WBP2NL: variants seen among roughly 807,000 people sequenced by gnomAD.
The protein encoded by WBP2NL is WBP2 N-terminal like.
A neutral mutation model predicts 23.3 loss-of-function variants in WBP2NL; 27 were observed. The ratio of observed to expected loss-of-function variants is 1.16; its 90% CI spans 0.85 to 1.60. WBP2NL has a LOEUF of 1.60. Among genes scored for constraint, WBP2NL ranks in the 40% most tolerant of loss-of-function variants. The pLI is 0.00. For missense variants in WBP2NL, 370 were observed against 389.5 expected, an observed-to-expected ratio of 0.95 and a Z score of 0.42; for synonymous variants, 151 against 145.9, an observed-to-expected ratio of 1.03 and a Z score of -0.25.
chr22:42,050,164 A>C (rs1308819279), intron 8 of WBP2NL, among the ~76,000 whole-genome samples: 4 of 151,912 alleles, frequency 2.6e-5, no homozygotes, highest in African/African-American at 9.7e-5. Context: ...AAAAACTACA[A>C]AAATTAGCTG....
At chr22:42,011,125 A>G (rs1329662340) in intron 1 of WBP2NL, among the ~76,000 whole-genome samples, 4 of 152,210 alleles carry the variant, frequency 2.6e-5, no homozygotes. Context: ...TGGCTTCGGT[A>G]TCAGGGTAAT....
chr22:42,000,974 T>C (rs1921597089), intron 1 of WBP2NL: 2 of 447,646 alleles, frequency 4.5e-6, no homozygotes, highest in East Asian at 4.4e-5. Context: ...CCCTGGGCAA[T>C]AGAGGGAGAC....
chr22:42,011,531 G>A (rs1474982465), intron 1 of WBP2NL, among the ~76,000 whole-genome samples: 1 of 152,050 alleles, frequency 6.6e-6, no homozygotes, highest in African/African-American at 2.4e-5. Context: ...GGGATTAAAG[G>A]CATGAGCCAC....
intron 1 of WBP2NL, among the ~76,000 whole-genome samples, chr22:42,012,452 C>T (rs997068936): frequency 2.6e-5 from 4 of 152,086 alleles, no homozygotes; most frequent in Admixed American, 6.6e-5. Flanking sequence ...CCTCTGATTT[C>T]TTCTTTGACT....
At chr22:42,025,498 T>C (rs937334560) in intron 5 of WBP2NL, among the ~76,000 whole-genome samples, 14 of 152,242 alleles carry the variant, frequency 9.2e-5, no homozygotes, top group Non-Finnish European at 2.9e-5. Flanking sequence ...TTTTTATCTG[T>C]AGAGTGAAGT....
intron 1 of WBP2NL, among the ~76,000 whole-genome samples, chr22:42,004,824 C>T (rs1016879509): frequency 5.3e-5 from 8 of 151,800 alleles, no homozygotes; most frequent in East Asian, 1.9e-4. Context: ...CTCGGGAGGC[C>T]GAAGCAGGAG....
rs1385412095 is a variant in WBP2NL at position 42,020,866 on chromosome 22, G to GTGTATA, written c.406+772_406+777dup. Among the ~76,000 whole-genome samples the GTGTATA allele has an allele frequency of 2.8e-3, 44 of 15,578 alleles. 1 individual carries two copies. Among genetic ancestry groups the GTGTATA allele is most frequent in the Non-Finnish European group, 3.2e-3 (35 of 11,022 alleles). The allele number at this position is 15,578 out of a possible 152,430, so 10.2% of individuals were successfully genotyped here. A position where few individuals can be genotyped will look rare whatever the true frequency, so the allele number is the denominator to read the frequency against. The stretch of plus-strand genomic sequence containing the variant: ...TTATCTCATATATGTGTGTGTGTGT[G>GTGTATA]TGTATATATATATATATATATATAT... On this transcript the variant is annotated intron_variant, in intron 4 of 5. Coordinates refer to ENST00000328823, the MANE Select transcript of WBP2NL (RefSeq NM_152613.3).
At chr22:42,037,820 G>C (rs1356174815), downstream of WBP2NL, among the ~76,000 whole-genome samples, 2 of 146,158 alleles carry the variant, frequency 1.4e-5, no homozygotes, top group Non-Finnish European at 3.0e-5. Context: ...AGTTTCGGGG[G>C]GAGGTGCGGG....
chr22:42,002,279 C>A (rs1386773746), intron 1 of WBP2NL, among the ~76,000 whole-genome samples: 2 of 152,186 alleles, frequency 1.3e-5, no homozygotes, highest in Non-Finnish European at 2.9e-5. Flanking sequence ...GAGCTTTATA[C>A]TGTAGTTAAA....
intron 8 of WBP2NL, among the ~76,000 whole-genome samples, chr22:42,056,319 CT>C (rs1926026687): frequency 6.6e-6 from 1 of 152,140 alleles, no homozygotes. Context: ...CTCCTTTATG[CT>C]GTTATTGTTA....
chr22:41,999,841 C>T (rs961100159), intron 1 of WBP2NL, among the ~76,000 whole-genome samples: 1 of 152,206 alleles, frequency 6.6e-6, no homozygotes, highest in Non-Finnish European at 1.5e-5. Flanking sequence ...GTGGGGCTTA[C>T]ACCAGTTGCT....
chr22:42,054,532 A>G (rs894134158), intron 8 of WBP2NL, among the ~76,000 whole-genome samples: 1 of 152,034 alleles, frequency 6.6e-6, no homozygotes, highest in Non-Finnish European at 1.5e-5. Context: ...CTGTGGCATA[A>G]TCTAAAGTCA....
chr22:42,000,641 C>T (rs1443470279), intron 1 of WBP2NL, among the ~76,000 whole-genome samples: 1 of 151,992 alleles, frequency 6.6e-6, no homozygotes, highest in Non-Finnish European at 1.5e-5. Flanking sequence ...CAAGAATGCT[C>T]AAGATAGCCG....
intron 1 of WBP2NL, among the ~76,000 whole-genome samples, chr22:42,013,939 G>A (rs984324331): frequency 1.3e-5 from 2 of 151,428 alleles, no homozygotes; most frequent in Admixed American, 6.6e-5. Flanking sequence ...CACCACCCAC[G>A]CCTGGCTATT....
chr22:42,020,886 ATATATATATATATATATATATATTTT>A (rs1923870795), intron 4 of WBP2NL, among the ~76,000 whole-genome samples: 6 of 46,188 alleles, frequency 1.3e-4, no homozygotes, highest in South Asian at 2.0e-3. Context: ...ATATATATAT[ATATATATATATATATATATATATTTT>A]TTTTTTTTTT....
chr22:42,040,659 G>T (rs979904833), intron 8 of WBP2NL, among the ~76,000 whole-genome samples: 3 of 152,124 alleles, frequency 2.0e-5, no homozygotes, highest in African/African-American at 7.2e-5. Context: ...ATTCTCTCTG[G>T]ATTTCCTCTT....
At chr22:41,999,000 T>C in intron 1 of WBP2NL, 120 bp downstream of exon 1, 1 of 1,185,056 alleles carries the variant, frequency 8.4e-7, no homozygotes, top group Non-Finnish European at 1.1e-6. Context: ...GCGGCGCTCT[T>C]AGCTCCGCCC....
chr22:42,002,221 T>C (rs542300942), intron 1 of WBP2NL, among the ~76,000 whole-genome samples: 1 of 152,332 alleles, frequency 6.6e-6, no homozygotes, highest in African/African-American at 2.4e-5. Context: ...TCCTGAATAC[T>C]TAATAGCATT....
chr22:42,026,713 TA>T, intron 5 of WBP2NL, 52 bp from the exon 6 acceptor site: 1 of 1,576,840 alleles, frequency 6.3e-7, no homozygotes, highest in Admixed American at 1.9e-5. Context: ...CCTTCTCACA[TA>T]TTCCTTGACT....
Sources: allele counts gnomAD v4.1 joint callset (sites outside exome capture counted in the v4.1 genomes callset), GRCh38; gene constraint gnomAD v4.1.1; transcripts MANE v1.5; gene names NCBI Gene and HGNC (gene_info 2026-07-23, HGNC 2026-07-21).